Variants in ARHGAP35 observed in about 807,000 individuals in gnomAD.
The protein encoded by ARHGAP35 is Rho GTPase activating protein 35, also known as rho GTPase-activating protein 35.
ARHGAP35 carries 15 observed loss-of-function variants against 111.1 expected under a neutral mutation model. The observed-to-expected ratio is 0.13, with a 90% CI of 0.09 to 0.21. The LOEUF (loss-of-function observed/expected upper bound fraction) is 0.21. ARHGAP35 is among the 10% of genes least tolerant of loss of function. The pLI is 1.00. For missense variants in ARHGAP35, 1,262 were observed against 1,873.0 expected, an observed-to-expected ratio of 0.67 and a Z score of 6.02; for synonymous variants, 643 against 710.3, an observed-to-expected ratio of 0.91 and a Z score of 1.51.
chr19:46,921,428 G>C lies in ARHGAP35; in HGVS notation c.2753G>C (p.Arg918Thr), dbSNP rs370307510. The change falls in exon 2 of 7, where the codon AGG (arginine) becomes ACG (threonine). Residue 918 changes from arginine (R) to threonine (T), a missense_variant. Coordinates refer to ENST00000672722, the MANE Select transcript of ARHGAP35 (RefSeq NM_004491.5). The surrounding 1 kb of genome is among the most constrained non-coding windows in gnomAD (Gnocchi z 4.3). ...GAGATTGCTCAAGAAATTGACGGAA[G>C]GTTCACAAGCATCCCCTGTAGCCAA... ...GEEIAQEIDG[R>T]FTSIPCSQPQ... 1 of 1,613,784 alleles carries C rather than the reference G, an allele frequency of 6.2e-7. No homozygotes were observed. Among genetic ancestry groups the C allele is most frequent in the Non-Finnish European group, 8.5e-7 (1 of 1,179,878 alleles).
chr19:46,872,115 T>A (rs557252414), intron 1 of ARHGAP35, among the ~76,000 whole-genome samples: 41 of 152,278 alleles, frequency 2.7e-4, no homozygotes, highest in South Asian at 8.3e-4. Flanking sequence ...TGTTTTAACC[T>A]TAGGGGAATG....
chr19:46,942,807 C>T (rs1198793887), intron 3 of ARHGAP35, among the ~76,000 whole-genome samples: 1 of 140,304 alleles, frequency 7.1e-6, no homozygotes, highest in African/African-American at 2.7e-5. Context: ...CAGAGCAAGA[C>T]CCTGTCTCAG....
chr19:46,919,594 G>C lies in ARHGAP35; in HGVS notation c.919G>C (p.Asp307His), dbSNP rs1242763905. The C allele has an allele frequency of 6.2e-7, 1 of 1,613,896 alleles. No individual in the cohort carries two copies. The highest frequency in any genetic ancestry group is 8.5e-7 in the Non-Finnish European group (1 of 1,179,862). Residue 307 changes from aspartate (D) to histidine (H), a missense_variant, in exon 2 of 7, where the codon GAC (aspartate) becomes CAC (histidine). Transcript: ENST00000672722. This position sits in a 1 kb window ranked among gnomAD's most constrained non-coding sequence, Gnocchi z 6.2. Reference protein sequence around the residue: ...RKMQASPEYQDYVYLEGTQKA... With the variant: ...RKMQASPEYQHYVYLEGTQKA... ...GATGCAGGCCTCTCCAGAATACCAG[G>C]ACTATGTCTACCTGGAAGGGACTCA...
intron 1 of ARHGAP35, among the ~76,000 whole-genome samples, chr19:46,870,883 C>A (rs565316661): frequency 6.6e-6 from 1 of 152,062 alleles, no homozygotes. Flanking sequence ...TAGAAAAGTA[C>A]GTAAATCTTA....
chr19:46,922,489 T>A lies in ARHGAP35; in HGVS notation c.3681+133T>A. The A allele has an allele frequency of 1.1e-6, 1 of 885,482 alleles. No homozygotes were observed. Among genetic ancestry groups the A allele is most frequent in the South Asian group, 2.1e-5 (1 of 48,296 alleles). 54.9% of individuals were successfully genotyped at this position (885,482 alleles called of 1,614,324 possible). On this transcript the variant is annotated intron_variant, in intron 2 of 6. Coordinates refer to ENST00000672722, the MANE Select transcript of ARHGAP35 (RefSeq NM_004491.5). The surrounding 1 kb of genome is among the most constrained non-coding windows in gnomAD (Gnocchi z 4.0). The stretch of plus-strand genomic sequence containing the variant: ...CCCTGTGTGTGTATTTGACTTAACA[T>A]AAAAAAGCAGTGCCTCAATTAGCTA...
intron 1 of ARHGAP35, among the ~76,000 whole-genome samples, chr19:46,881,495 C>G (rs954336873): frequency 6.6e-6 from 1 of 152,144 alleles, no homozygotes; most frequent in African/African-American, 2.4e-5. Flanking sequence ...GACTAGGTGC[C>G]TTGTCAATGA....
At chr19:46,909,260 A>G (rs1224537595) in intron 1 of ARHGAP35, among the ~76,000 whole-genome samples, 1 of 152,144 alleles carries the variant, frequency 6.6e-6, no homozygotes, top group East Asian at 1.9e-4. Context: ...CTGTGATTGC[A>G]CCACCGCACT....
Position 46,922,334 on chromosome 19 carries a change from G to A in ARHGAP35, c.3659G>A (p.Arg1220His), listed in dbSNP as rs1292097832. 8 of 1,605,182 alleles carry A rather than the reference G, an allele frequency of 5.0e-6. No individual in the cohort carries two copies. The highest frequency in any genetic ancestry group is 2.2e-5 in the East Asian group (1 of 44,824). Residue 1220 changes from arginine (R) to histidine (H), a missense_variant, in exon 2 of 7, where the codon CGC becomes CAC. Transcript: ENST00000672722. This position sits in a 1 kb window ranked among gnomAD's most constrained non-coding sequence, Gnocchi z 4.0. Reference protein sequence around the residue: ...DEDPRRRNILRSLRRNTKKPK... With the variant: ...DEDPRRRNILHSLRRNTKKPK... The stretch of plus-strand genomic sequence containing the variant: ...GACCCGCGGAGGAGGAATATTCTTC[G>A]CAGCCTAAGGAGGAACACTAAGGTA...
At chr19:46,872,874 C>G (rs1054332606) in intron 1 of ARHGAP35, among the ~76,000 whole-genome samples, 5 of 121,156 alleles carry the variant, frequency 4.1e-5, no homozygotes, top group Non-Finnish European at 9.2e-5. Context: ...GAGCAAGACT[C>G]CGTCTCAAAA....
rs1455791175 is a variant in ARHGAP35, at chr19:46,907,506, T to G, written c.-188-10982T>G. ...TGTTTGTTTGTTTGTTTGTTTGTTT[T>G]TTGAGACGGAGTCTCGCTCTGTCCA... On this transcript the variant is annotated intron_variant, in intron 1 of 6. Transcript: ENST00000672722. Among the ~76,000 whole-genome samples the G allele has an allele frequency of 1.4e-4, 15 of 110,610 alleles. No homozygotes were observed. The Admixed American group carries it at 1.4e-3, about 10-fold the overall frequency. The allele number at this position is 110,610 out of a possible 152,430, so 72.6% of individuals were successfully genotyped here.
chr19:46,959,213 C>T (rs2056461880), intron 3 of ARHGAP35, among the ~76,000 whole-genome samples: 1 of 151,970 alleles, frequency 6.6e-6, no homozygotes, highest in Non-Finnish European at 1.5e-5. Flanking sequence ...TACAGGCATG[C>T]ACCACCACAC....
At chr19:46,866,312 G>A (rs910331028) in intron 1 of ARHGAP35, among the ~76,000 whole-genome samples, 1 of 152,176 alleles carries the variant, frequency 6.6e-6, no homozygotes, top group East Asian at 1.9e-4. Flanking sequence ...GCGTTCATTG[G>A]AACTCAGTGG....
intron 3 of ARHGAP35, among the ~76,000 whole-genome samples, chr19:46,972,254 C>A (rs2056554595): frequency 6.6e-6 from 1 of 152,184 alleles, no homozygotes; most frequent in Non-Finnish European, 1.5e-5. Context: ...CAGGTGATCA[C>A]CCACCTCAGC....
intron 1 of ARHGAP35, among the ~76,000 whole-genome samples, chr19:46,874,973 G>A (rs1036156236): frequency 4.6e-5 from 7 of 150,994 alleles, no homozygotes; most frequent in African/African-American, 1.5e-4. Context: ...CACCACACCC[G>A]GCTAATGTTT....
rs1225666798 is a variant in ARHGAP35, at chr19:46,921,711, C to G, written c.3036C>G (p.Leu1012=). The change falls in exon 2 of 7, where the codon CTC becomes CTG. Residue 1012 remains leucine, a synonymous_variant. Transcript: ENST00000672722. This position sits in a 1 kb window ranked among gnomAD's most constrained non-coding sequence, Gnocchi z 4.3. ...LPSLSKDHSK[L]SMELEGNDGL... ...CTCTGTCCAAAGACCATTCTAAGCTCTCTATGGAACTGGAGGGAAATGATG... is the reference window on the plus strand; with the variant it reads ...CTCTGTCCAAAGACCATTCTAAGCTGTCTATGGAACTGGAGGGAAATGATG... 3.1e-6 allele frequency: 5 copies of G among 1,613,978 alleles called. No homozygotes were observed. The highest frequency in any genetic ancestry group is 3.3e-4 in the Middle Eastern group (2 of 6,062).
At chr19:46,897,170 G>A (rs1364388194) in intron 1 of ARHGAP35, among the ~76,000 whole-genome samples, 11 of 151,798 alleles carry the variant, frequency 7.2e-5, no homozygotes, top group East Asian at 3.9e-4. Flanking sequence ...AAGTGCTGGG[G>A]TTACAGGCGT....
Position 46,988,350 on chromosome 19 carries a change from C to T in ARHGAP35, c.3904+284C>T, listed in dbSNP as rs970148878. 2.4e-6 allele frequency: 1 copy of T among 414,454 alleles called. No individual in the cohort carries two copies. The highest frequency in any genetic ancestry group is 2.0e-5 in the African/African-American group (1 of 49,038). 25.7% of individuals were successfully genotyped at this position (414,454 alleles called of 1,614,324 possible). A position where few individuals can be genotyped will look rare whatever the true frequency, so the allele number is the denominator to read the frequency against. ...TCCAGGTTGCCCGGGCACATGCCTC[C>T]CTCACCACACTGAAGAGCTTTGCCT... On this transcript the variant is annotated intron_variant, in intron 4 of 6. Coordinates refer to ENST00000672722, the MANE Select transcript of ARHGAP35 (RefSeq NM_004491.5). This position sits in a 1 kb window ranked among gnomAD's most constrained non-coding sequence, Gnocchi z 5.4.
rs2056684076 is a variant in ARHGAP35 at position 46,992,409 on chromosome 19, G to A, written c.4036+2734G>A. Among the ~76,000 whole-genome samples the A allele has an allele frequency of 6.6e-6, 1 of 152,172 alleles. No homozygotes were observed. Among genetic ancestry groups the A allele is most frequent in the Non-Finnish European group, 1.5e-5 (1 of 68,028 alleles). ...CCAGCAAGGAAGGCGCGAGGAAGAGGGCTTCACAGGGGAGATGGGCCAGGG... is the reference window on the plus strand; with the variant it reads ...CCAGCAAGGAAGGCGCGAGGAAGAGAGCTTCACAGGGGAGATGGGCCAGGG... On this transcript the variant is annotated intron_variant, in intron 5 of 6. Coordinates refer to ENST00000672722, the MANE Select transcript of ARHGAP35 (RefSeq NM_004491.5). The surrounding 1 kb of genome is among the most constrained non-coding windows in gnomAD (Gnocchi z 4.4).
chr19:46,884,284 C>T (rs1236840961), intron 1 of ARHGAP35, among the ~76,000 whole-genome samples: 1 of 151,880 alleles, frequency 6.6e-6, no homozygotes, highest in Non-Finnish European at 1.5e-5. Flanking sequence ...TACACTCCAG[C>T]CTGGGCAACA....
Sources: gnomAD v4.1 joint callset for allele counts (sites outside exome capture counted in the v4.1 genomes callset) on GRCh38, gnomAD v4.1.1 for gene constraint, Gnocchi (gnomAD v3.1) non-coding constraint, MANE v1.5 for transcripts, NCBI Gene and HGNC (gene_info 2026-07-23, HGNC 2026-07-21) for gene names.